CYP7B1: variants seen among roughly 807,000 people sequenced by gnomAD.
CYP7B1 encodes cytochrome P450 family 7 subfamily B member 1, also known as cytochrome P450 7B1.
In CYP7B1, 29 loss-of-function variants were observed where a neutral mutation model predicts 42.7. That is an observed-to-expected ratio of 0.68 (90% CI 0.51 to 0.93). The LOEUF (loss-of-function observed/expected upper bound fraction) is 0.93. CYP7B1 is among the 40% of genes least tolerant of loss of function. The pLI is 0.00. For missense variants in CYP7B1, 655 were observed against 600.5 expected, an observed-to-expected ratio of 1.09 and a Z score of -0.95; for synonymous variants, 235 against 218.2, an observed-to-expected ratio of 1.08 and a Z score of -0.68.
chr8:64,661,769 T>A (rs1353358019), intron 1 of CYP7B1, among the ~76,000 whole-genome samples: 1 of 152,204 alleles, frequency 6.6e-6, no homozygotes, highest in African/African-American at 2.4e-5. Flanking sequence ...GGCTCTCAAC[T>A]GCAATGGTTC....
downstream of CYP7B1, chr8:64,587,661 C>T (rs1804986727): frequency 6.6e-6 from 1 of 152,238 alleles, no homozygotes; most frequent in African/African-American, 2.4e-5. Context: ...CTAAATTACT[C>T]GTCTTAACAA....
At chr8:64,733,285 A>T (rs969479667) in intron 1 of CYP7B1, among the ~76,000 whole-genome samples, 2 of 152,196 alleles carry the variant, frequency 1.3e-5, no homozygotes, top group African/African-American at 4.8e-5. Context: ...ATGAACAATG[A>T]TCTGATGCGC....
chr8:64,726,863 C>T (rs1443870160), intron 1 of CYP7B1, among the ~76,000 whole-genome samples: 1 of 152,104 alleles, frequency 6.6e-6, no homozygotes, highest in Non-Finnish European at 1.5e-5. Flanking sequence ...CAGTCCCCCA[C>T]CCCCAATTCC....
At chr8:64,675,508 T>A (rs1446676224) in intron 1 of CYP7B1, among the ~76,000 whole-genome samples, 1 of 151,264 alleles carries the variant, frequency 6.6e-6, no homozygotes, top group Non-Finnish European at 1.5e-5. Context: ...TTTGCTATTA[T>A]TATTATTTTA....
intron 1 of CYP7B1, among the ~76,000 whole-genome samples, chr8:64,738,905 C>T (rs1807529350): frequency 6.6e-6 from 1 of 152,116 alleles, no homozygotes; most frequent in Admixed American, 6.5e-5. Context: ...CTAGTATTAA[C>T]AGTGAGAAAC....
intron 1 of CYP7B1, among the ~76,000 whole-genome samples, chr8:64,733,574 C>T (rs932439068): frequency 2.0e-5 from 3 of 152,098 alleles, no homozygotes; most frequent in Admixed American, 6.6e-5. Context: ...GTACTGCTTG[C>T]GAAGTCACAC....
intron 1 of CYP7B1, among the ~76,000 whole-genome samples, chr8:64,708,411 T>G (rs1807030923): frequency 6.6e-6 from 1 of 152,170 alleles, no homozygotes. Context: ...TTTGCAAAAC[T>G]TAATAATCAC....
intron 1 of CYP7B1, among the ~76,000 whole-genome samples, chr8:64,738,783 A>G (rs1807527601): frequency 1.3e-5 from 2 of 152,202 alleles, no homozygotes. Context: ...AGGCTAATCC[A>G]AAGAGTTGAC....
rs367948535 is a variant in CYP7B1, at chr8:64,645,995, T to C, written c.123-21456A>G. 3.3e-5 allele frequency among the ~76,000 whole-genome samples: 5 copies of C among 152,320 alleles called. No homozygotes were observed. The South Asian group carries it at 6.2e-4, about 19-fold the overall frequency. On this transcript the variant is annotated intron_variant, in intron 1 of 5. Coordinates refer to ENST00000310193, the MANE Select transcript of CYP7B1 (RefSeq NM_004820.5). The stretch of plus-strand genomic sequence containing the variant: ...TGGTGGTGGGAAAACTGGCCAGCCA[T>C]ATGTAGAAAGCTGAAACTGGATCCC...
chr8:64,622,663 A>G (rs866942861), intron 2 of CYP7B1, among the ~76,000 whole-genome samples: 25 of 152,302 alleles, frequency 1.6e-4, no homozygotes, highest in Middle Eastern at 6.8e-3. Context: ...AACCTTAAGC[A>G]TGGTTATAAG....
chr8:64,644,917 C>A lies in CYP7B1; in HGVS notation c.123-20378G>T, dbSNP rs182741143. The stretch of plus-strand genomic sequence containing the variant: ...TAATGCTATCCCTCCCCCCTCCCCC[C>A]ATCCCACAACAGTCCCCAGAGTGTG... On this transcript the variant is annotated intron_variant, in intron 1 of 5. Coordinates refer to ENST00000310193, the MANE Select transcript of CYP7B1 (RefSeq NM_004820.5). Among the ~76,000 whole-genome samples, 863 of 146,580 alleles carry A rather than the reference C, an allele frequency of 5.9e-3. 3 individuals carry two copies. The highest frequency in any genetic ancestry group is 9.0e-3 in the Non-Finnish European group (597 of 66,646).
At chr8:64,755,471 G>A (rs1164731634) in intron 1 of CYP7B1, among the ~76,000 whole-genome samples, 1 of 151,854 alleles carries the variant, frequency 6.6e-6, no homozygotes, top group Non-Finnish European at 1.5e-5. Context: ...CAGGCTGCAG[G>A]GCAATGGCAC....
At chr8:64,748,546 C>G (rs1409318126) in intron 1 of CYP7B1, among the ~76,000 whole-genome samples, 1 of 152,164 alleles carries the variant, frequency 6.6e-6, no homozygotes, top group Non-Finnish European at 1.5e-5. Context: ...TATTAAAATT[C>G]TCTGCTGCTT....
At chr8:64,728,016 T>C (rs1455723762) in intron 1 of CYP7B1, 1 of 152,216 alleles carries the variant, frequency 6.6e-6, no homozygotes, top group Non-Finnish European at 1.5e-5. Context: ...TGCCACTCAT[T>C]TGGACAATAG....
chr8:64,636,822 G>A (rs1805781068), intron 1 of CYP7B1, among the ~76,000 whole-genome samples: 1 of 152,182 alleles, frequency 6.6e-6, no homozygotes, highest in South Asian at 2.1e-4. Context: ...CAATCTGAAA[G>A]GGGGAAGTCG....
At chr8:64,779,314 A>T (rs1166330966) in intron 1 of CYP7B1, among the ~76,000 whole-genome samples, 1 of 152,114 alleles carries the variant, frequency 6.6e-6, no homozygotes, top group Non-Finnish European at 1.5e-5. Context: ...TCATAAGAGG[A>T]TTCAATAAAA....
In CYP7B1 at chr8:64,702,053, T is replaced by C. The variant is rs572493194; in HGVS notation, c.123-77514A>G. 3.3e-5 allele frequency among the ~76,000 whole-genome samples: 5 copies of C among 152,154 alleles called. No individual in the cohort carries two copies. In the East Asian group the frequency reaches 5.8e-4, roughly 18 times the overall value. On this transcript the variant is annotated intron_variant, in intron 1 of 5. Transcript: ENST00000310193. Reference sequence around the variant, plus strand: ...GTTCATTTTGGAACACGACCGGTGCTTTAACACAATGAGGAGAACCAGCAT... The same window carrying C: ...GTTCATTTTGGAACACGACCGGTGCCTTAACACAATGAGGAGAACCAGCAT...
At chr8:64,783,542 T>A (rs1268021412) in intron 1 of CYP7B1, among the ~76,000 whole-genome samples, 2 of 83,770 alleles carry the variant, frequency 2.4e-5, no homozygotes, top group Non-Finnish European at 5.0e-5. Flanking sequence ...TCCATACTAC[T>A]TTTTTTTTTT....
intron 1 of CYP7B1, among the ~76,000 whole-genome samples, chr8:64,692,668 A>C (rs1360906597): frequency 1.3e-5 from 2 of 152,168 alleles, no homozygotes; most frequent in Non-Finnish European, 2.9e-5. Context: ...AAGAGGGAAA[A>C]GTCTCCTGGA....
Sources: allele counts gnomAD v4.1 joint callset (sites outside exome capture counted in the v4.1 genomes callset), GRCh38; gene constraint gnomAD v4.1.1; transcripts MANE v1.5; gene names NCBI Gene and HGNC (gene_info 2026-07-23, HGNC 2026-07-21).